Variants in SLC29A4 observed in about 807,000 individuals in gnomAD.
SLC29A4 encodes equilibrative nucleoside transporter 4.
Under a neutral mutation model 43.9 loss-of-function variants are expected in SLC29A4, and 36 were observed. That is an observed-to-expected ratio of 0.82 (90% CI 0.63 to 1.08). SLC29A4 has a LOEUF of 1.08. Among genes scored for constraint, SLC29A4 ranks in the 50% least tolerant of loss-of-function variants. The pLI is 0.00. For missense variants in SLC29A4, 869 were observed against 755.3 expected, an observed-to-expected ratio of 1.15 and a Z score of -1.77; for synonymous variants, 491 against 338.0, an observed-to-expected ratio of 1.45 and a Z score of -4.97.
At chr7:5,298,617 C>A (rs1370908027) in intron 7 of SLC29A4, among the ~76,000 whole-genome samples, 1 of 152,028 alleles carries the variant, frequency 6.6e-6, no homozygotes, top group Non-Finnish European at 1.5e-5. Context: ...CATAGCAAGA[C>A]CCTGTGTCTA....
At position 5,290,085 on chromosome 7, in the gene SLC29A4, A is replaced by G. The variant is rs1172364104; in HGVS notation, c.170-647A>G. 1.1e-4 allele frequency among the ~76,000 whole-genome samples: 13 copies of G among 123,288 alleles called. No homozygotes were observed. The East Asian group carries it at 1.8e-3, about 17-fold the overall frequency. 80.9% of individuals were successfully genotyped at this position (123,288 alleles called of 152,430 possible). ...TTTTTTTTTTTTGAGACGGAGTCTC[A>G]CTCTGTCGCCCAGGTTGGAGTGCAG... On this transcript the variant is annotated intron_variant, in intron 2 of 10. Coordinates refer to ENST00000396872, the MANE Select transcript of SLC29A4 (RefSeq NM_153247.4).
intron 1 of SLC29A4, among the ~76,000 whole-genome samples, chr7:5,285,141 C>G (rs1349121275): frequency 6.6e-6 from 1 of 152,156 alleles, no homozygotes; most frequent in Non-Finnish European, 1.5e-5. Flanking sequence ...CGCCTCCCAA[C>G]GACTCTTGAG....
At chr7:5,296,914 G>GCCCACTGTGCACGC in intron 6 of SLC29A4, 22 bp from the exon 7 acceptor site, 1 of 1,572,002 alleles carries the variant, frequency 6.4e-7, no homozygotes, top group Non-Finnish European at 8.6e-7. Flanking sequence ...TCAGGCCCCG[G>GCCCACTGTGCACGC]CCCACTGTGC....
At chr7:5,284,541 T>C (rs1160294034) in intron 1 of SLC29A4, among the ~76,000 whole-genome samples, 1 of 151,788 alleles carries the variant, frequency 6.6e-6, no homozygotes, top group Non-Finnish European at 1.5e-5. Context: ...GGCCAAGCCC[T>C]GTAAACACTG....
chr7:5,288,111 C>T (rs1785074401), intron 2 of SLC29A4, 126 bp downstream of exon 2: 4 of 1,238,594 alleles, frequency 3.2e-6, no homozygotes, highest in African/African-American at 3.0e-5. Flanking sequence ...CAGTGCCTGT[C>T]AGTGTGGATT....
chr7:5,300,071 C>CA (rs775630246), intron 9 of SLC29A4, among the ~76,000 whole-genome samples: 21 of 151,730 alleles, frequency 1.4e-4, no homozygotes, highest in Non-Finnish European at 2.8e-4. Flanking sequence ...AGCAAACGAA[C>CA]AAAAAAATCA....
At chr7:5,285,564 G>T (rs1784895179) in intron 1 of SLC29A4, among the ~76,000 whole-genome samples, 1 of 152,358 alleles carries the variant, frequency 6.6e-6, no homozygotes, top group Non-Finnish European at 1.5e-5. Context: ...GCTAGAAGAG[G>T]GGGACATGGG....
chr7:5,295,221 CTGGG>C (rs547916819), intron 6 of SLC29A4, among the ~76,000 whole-genome samples: 174 of 152,224 alleles, frequency 1.1e-3, no homozygotes, highest in Non-Finnish European at 1.9e-3. Flanking sequence ...GAGCATGTGG[CTGGG>C]TGTGTGTTTG....
At chr7:5,295,100 G>T (rs1302741426) in intron 6 of SLC29A4, among the ~76,000 whole-genome samples, 166 bp downstream of exon 6, 1 of 152,100 alleles carries the variant, frequency 6.6e-6, no homozygotes, top group East Asian at 1.9e-4. Context: ...GGCCTGGCTG[G>T]GGGTAGAAAA....
rs150664365 is a variant in SLC29A4, at chr7:5,299,262, G to C, written c.1044G>C (p.Val348=). The change falls in exon 9 of 11, where the codon GTG becomes GTC. Residue 348 remains valine (V), a synonymous_variant. Coordinates refer to ENST00000396872, the MANE Select transcript of SLC29A4 (RefSeq NM_153247.4). The part of the protein sequence containing the change: ...TFRALLLHRY[V]VARVIWADML... Reference sequence around the variant, plus strand: ...CAGCCCTGTTACTGCACCGCTACGTGGTGGCGCGGGTGATCTGGGCCGACA... The same window carrying C: ...CAGCCCTGTTACTGCACCGCTACGTCGTGGCGCGGGTGATCTGGGCCGACA... 1.2e-6 allele frequency: 2 copies of C among 1,612,058 alleles called. No individual in the cohort carries two copies. Among genetic ancestry groups the C allele is most frequent in the Non-Finnish European group, 1.7e-6 (2 of 1,179,932 alleles).
At chr7:5,294,991 G>A (rs1785555612) in intron 6 of SLC29A4, 57 bp downstream of exon 6, 2 of 1,497,086 alleles carry the variant, frequency 1.3e-6, no homozygotes, top group Admixed American at 2.1e-5. Context: ...GGCTCTGGAA[G>A]CTTCTTCCCA....
intron 2 of SLC29A4, among the ~76,000 whole-genome samples, chr7:5,290,409 C>G (rs1018268697): frequency 3.9e-5 from 6 of 152,068 alleles, no homozygotes; most frequent in African/African-American, 1.4e-4. Context: ...GTTGGCCAGG[C>G]TGGTCTCGAA....
chr7:5,290,906 A>C (rs1357297798), intron 3 of SLC29A4, 43 bp downstream of exon 3: 1 of 1,578,312 alleles, frequency 6.3e-7, no homozygotes, highest in Admixed American at 1.7e-5. Flanking sequence ...AGCATCCTCC[A>C]TCATGGCCTG....
chr7:5,283,872 G>A (rs1215891031), intron 1 of SLC29A4, among the ~76,000 whole-genome samples: 1 of 152,206 alleles, frequency 6.6e-6, no homozygotes, highest in Non-Finnish European at 1.5e-5. Context: ...GTCCTTCCTG[G>A]CTGGCCGGAG....
In SLC29A4 at chr7:5,299,088, C is replaced by T. The variant is rs369055654; in HGVS notation, c.983C>T (p.Pro328Leu). The T allele has an allele frequency of 4.6e-5, 74 of 1,610,544 alleles. No homozygotes were observed. Among genetic ancestry groups the T allele is most frequent in the African/African-American group, 3.1e-4 (23 of 75,016 alleles). ...SGGAYMRFDVPRPRVQRSWPT... is the reference protein window; with the variant it reads ...SGGAYMRFDVLRPRVQRSWPT... ...GGGGCCTACATGCGCTTTGATGTGC[C>T]GCGGCCAAGGGTCCAGCGCAGCTGG... The change falls in exon 8 of 11, where the codon CCG becomes CTG. Residue 328 changes from proline (P) to leucine (L), a missense_variant. Coordinates refer to ENST00000396872, the MANE Select transcript of SLC29A4 (RefSeq NM_153247.4).
At chr7:5,293,458 C>A (rs1213161810) in intron 5 of SLC29A4, among the ~76,000 whole-genome samples, 1 of 152,170 alleles carries the variant, frequency 6.6e-6, no homozygotes, top group Non-Finnish European at 1.5e-5. Context: ...GCGTGAGCCA[C>A]TATGCCTAGC....
At chr7:5,295,183 C>G (rs1218315271) in intron 6 of SLC29A4, among the ~76,000 whole-genome samples, 2 of 152,080 alleles carry the variant, frequency 1.3e-5, no homozygotes, top group Admixed American at 6.5e-5. Context: ...GTGTGTGATC[C>G]TTTGTGATCG....
In SLC29A4 at chr7:5,300,831, A is replaced by C. The variant is rs552906980; in HGVS notation, c.1450+169A>C. ...GGGGACATTCTCAGCCACTTCATTC[A>C]CTCATTTATTCGTTCGTTCATCCCA... On this transcript the variant is annotated intron_variant, in intron 10 of 10. Transcript: ENST00000396872. Among the ~76,000 whole-genome samples the C allele has an allele frequency of 2.7e-3, 408 of 152,154 alleles. 2 individuals are homozygous for C. Among genetic ancestry groups the C allele is most frequent in the African/African-American group, 9.4e-3 (392 of 41,522 alleles).
chr7:5,298,260 G>A (rs542586376), intron 7 of SLC29A4, among the ~76,000 whole-genome samples: 24 of 152,282 alleles, frequency 1.6e-4, no homozygotes, highest in South Asian at 4.1e-4. Context: ...GCAGGGGTGC[G>A]TCCCTCTCAT....
Sources: gnomAD v4.1 joint callset for allele counts (sites outside exome capture counted in the v4.1 genomes callset) on GRCh38, gnomAD v4.1.1 for gene constraint, MANE v1.5 for transcripts, NCBI Gene and HGNC (gene_info 2026-07-23, HGNC 2026-07-21) for gene names.